The following IL1R2 variants were observed in gnomAD, a reference collection of about 807,000 sequenced individuals.
The protein encoded by IL1R2 is interleukin 1 receptor type 2, also known as interleukin-1 receptor type 2.
In IL1R2, 46 loss-of-function variants were observed where a neutral mutation model predicts 39.5. That is an observed-to-expected ratio of 1.16 (90% confidence interval 0.92 to 1.49). The LOEUF (loss-of-function observed/expected upper bound fraction) is 1.49, where lower values mean the gene tolerates loss of function less well. Among genes scored for constraint, IL1R2 ranks in the 40% most tolerant of loss-of-function variants. The pLI, the probability that IL1R2 is intolerant of heterozygous loss-of-function variation, is 0.00. For missense variants in IL1R2, 537 were observed against 502.0 expected (o/e 1.07, Z -0.67); for synonymous variants, 207 against 189.6 (o/e 1.09, Z -0.75).
At chr2:102,025,410 G>C (rs571836108) in intron 7 of IL1R2, among the ~76,000 whole-genome samples, 1 of 152,292 alleles carries the variant, frequency 6.6e-6, no homozygotes, top group African/African-American at 2.4e-5. Context: ...TCATGTGCTT[G>C]CAAGTTCTCA....
chr2:101,999,002 G>A (rs1280931521), intron 1 of IL1R2: 1 of 152,298 alleles, frequency 6.6e-6, no homozygotes, highest in Non-Finnish European at 1.5e-5. Context: ...CATGTGGGAT[G>A]GGAGATACTG....
intron 4 of IL1R2, among the ~76,000 whole-genome samples, chr2:102,017,997 G>T (rs576615479): frequency 6.6e-6 from 1 of 152,300 alleles, no homozygotes; most frequent in African/African-American, 2.4e-5. Flanking sequence ...TCTCTATATA[G>T]GATATTGATT....
chr2:102,007,206 C>T (rs1335737008), intron 1 of IL1R2, among the ~76,000 whole-genome samples: 3 of 152,152 alleles, frequency 2.0e-5, no homozygotes, highest in South Asian at 2.1e-4. Context: ...ATCAGGGAGA[C>T]GAGGAGGGCA....
intron 1 of IL1R2, chr2:101,999,020 CA>C (rs1211875532): frequency 6.6e-6 from 1 of 152,314 alleles, no homozygotes; most frequent in African/African-American, 2.4e-5. Context: ...CTGTTGTGGT[CA>C]CCTCTGGAAA....
At chr2:102,005,945 G>A (rs1676234966) in intron 1 of IL1R2, among the ~76,000 whole-genome samples, 1 of 151,976 alleles carries the variant, frequency 6.6e-6, no homozygotes, top group Admixed American at 6.6e-5. Flanking sequence ...TCTCGGCCAG[G>A]CCTTTTAACC....
At chr2:102,000,991 A>T (rs1321075297) in intron 1 of IL1R2, among the ~76,000 whole-genome samples, 1 of 152,112 alleles carries the variant, frequency 6.6e-6, no homozygotes, top group East Asian at 1.9e-4. Context: ...CTTCCTCATC[A>T]GTCATTTTGG....
chr2:102,022,529 G>A lies in IL1R2; in HGVS notation c.751+280G>A, dbSNP rs28362313. On this transcript the variant is annotated intron_variant, in intron 6 of 8. Transcript: ENST00000332549. ...AAAATCTGAATGTGAAAATCTGAAC[G>A]TTCTGGCAGCAGTTATCAACTGCAT... Among the ~76,000 whole-genome samples, 199 of 152,332 alleles carry A rather than the reference G, an allele frequency of 1.3e-3. 2 individuals carry two copies. The East Asian group carries it at 0.03, about 23-fold the overall frequency.
At chr2:102,021,961 T>A in intron 5 of IL1R2, 1 of 535,944 alleles carries the variant, frequency 1.9e-6, no homozygotes, top group Non-Finnish European at 3.4e-6. Flanking sequence ...GCGGAATGTG[T>A]GTTTGGCTGT....
rs1676970040 is a variant in IL1R2, at chr2:102,015,944, A to T, written c.406A>T (p.Ile136Phe). 1.2e-6 allele frequency: 2 copies of T among 1,613,990 alleles called. No homozygotes were observed. The highest frequency in any genetic ancestry group is 2.2e-5 in the East Asian group (1 of 44,882). ...FENTDAFLPF[I>F]SYPQILTLST... ...GAATACAGATGCTTTCCTGCCGTTC[A>T]TCTCATACCCGCAAATTTTAACCTT... The change falls in exon 4 of 9, where the codon ATC (isoleucine) becomes TTC (phenylalanine). Residue 136 changes from isoleucine (I) to phenylalanine (F), a missense_variant. Coordinates refer to ENST00000332549, the MANE Select transcript of IL1R2 (RefSeq NM_004633.4).
rs748943505 is a variant in IL1R2, at chr2:102,016,099, T to C, written c.513+48T>C. 2.3e-5 allele frequency: 33 copies of C among 1,443,026 alleles called. No homozygotes were observed. In the Admixed American group the frequency reaches 6.0e-4, roughly 26 times the overall value. The allele number at this position is 1,443,026 out of a possible 1,614,324, so 89.4% of individuals were successfully genotyped here. The stretch of plus-strand genomic sequence containing the variant: ...TTTACTAAAATGTGTTTTCTTTTTT[T>C]ACTAGCCATAAAAGAAAGACTTAAA... On this transcript the variant is annotated intron_variant, in intron 4 of 8. Coordinates refer to ENST00000332549, the MANE Select transcript of IL1R2 (RefSeq NM_004633.4).
intron 1 of IL1R2, 29 bp from the exon 2 acceptor site, chr2:102,008,486 C>T (rs1676400328): frequency 1.0e-6 from 1 of 979,540 alleles, no homozygotes; most frequent in Non-Finnish European, 1.7e-6. Flanking sequence ...GTTCTTGGTT[C>T]CTGGTGACAC....
intron 1 of IL1R2, among the ~76,000 whole-genome samples, chr2:102,004,349 G>GC (rs11455317): frequency 1 from 152,259 of 152,260 alleles, 76,129 homozygotes; most frequent in Non-Finnish European, 1. Flanking sequence ...TCAGGGCTGT[G>GC]CATCAGCTCT....
chr2:102,006,501 G>C (rs1024145457), intron 1 of IL1R2, among the ~76,000 whole-genome samples: 1 of 152,308 alleles, frequency 6.6e-6, no homozygotes, highest in South Asian at 2.1e-4. Flanking sequence ...TCTGGAGTGC[G>C]AGGGTCGGTT....
intron 1 of IL1R2, among the ~76,000 whole-genome samples, chr2:102,007,524 C>A (rs933017302): frequency 1.3e-5 from 2 of 152,286 alleles, no homozygotes; most frequent in South Asian, 2.1e-4. Flanking sequence ...TAAGATAAAG[C>A]AGGGTTCTGT....
chr2:102,020,588 AATATATTTTTCTCAC>A (rs1243250554), intron 5 of IL1R2, among the ~76,000 whole-genome samples: 4 of 152,160 alleles, frequency 2.6e-5, no homozygotes, highest in Non-Finnish European at 5.9e-5. Context: ...ATAAGGGGAA[AATATATTTTTCTCAC>A]AGAGCATCCA....
intron 3 of IL1R2, among the ~76,000 whole-genome samples, chr2:102,011,550 A>G (rs148397919): frequency 6.4e-4 from 98 of 152,344 alleles, no homozygotes; most frequent in African/African-American, 2.3e-3. Flanking sequence ...AGACACAGAC[A>G]TATCTCCTTT....
At chr2:102,012,313 C>G (rs1051172101) in intron 3 of IL1R2, among the ~76,000 whole-genome samples, 3 of 152,204 alleles carry the variant, frequency 2.0e-5, no homozygotes, top group African/African-American at 7.2e-5. Flanking sequence ...CTTCCACCAG[C>G]TGGCTTCAGA....
intron 3 of IL1R2, among the ~76,000 whole-genome samples, chr2:102,015,146 T>C (rs1027767409): frequency 6.6e-6 from 1 of 152,102 alleles, no homozygotes; most frequent in African/African-American, 2.4e-5. Context: ...AAACAATGGC[T>C]CTTGGGAAAC....
At chr2:102,023,245 G>T (rs1043723450) in intron 6 of IL1R2, 3 of 152,268 alleles carry the variant, frequency 2.0e-5, no homozygotes, top group Non-Finnish European at 4.4e-5. Context: ...CTTTTGTGCA[G>T]TTGCTGGGAC....
Sources: allele counts gnomAD v4.1 joint callset (sites outside exome capture counted in the v4.1 genomes callset), GRCh38; gene constraint gnomAD v4.1.1; transcripts MANE v1.5; gene names NCBI Gene and HGNC (gene_info 2026-07-23, HGNC 2026-07-21).